The following IL1RAPL1 variants were observed in gnomAD, a reference collection of about 807,000 sequenced individuals.
IL1RAPL1 encodes the protein interleukin-1 receptor accessory protein-like 1.
In IL1RAPL1, 3 loss-of-function variants were observed where a neutral mutation model predicts 48.4. That is an observed-to-expected ratio of 0.06 (90% CI 0.03 to 0.16). The LOEUF (loss-of-function observed/expected upper bound fraction) is 0.16, where lower values mean the gene tolerates loss of function less well. Ranked by LOEUF, IL1RAPL1 falls within the 10% of genes least tolerant of loss-of-function variation. IL1RAPL1 has a pLI of 1.00. For synonymous variants in IL1RAPL1, 185 were observed against 187.7 expected, an observed-to-expected ratio of 0.99 and a Z score of 0.12; for missense variants, 349 against 530.6, an observed-to-expected ratio of 0.66 and a Z score of 3.36.
intron 2 of IL1RAPL1, among the ~76,000 whole-genome samples, chrX:29,209,579 A>C (rs770756993): frequency 8.9e-6 from 1 of 111,894 alleles, no homozygotes; most frequent in Non-Finnish European, 1.9e-5. Flanking sequence ...GGCACAAGCT[A>C]TGCATCTGTA....
At chrX:29,899,804 A>G (rs1481218838) in intron 6 of IL1RAPL1, among the ~76,000 whole-genome samples, 2 of 110,754 alleles carry the variant, frequency 1.8e-5, no homozygotes, top group Non-Finnish European at 3.8e-5. Flanking sequence ...TCAACCTCCC[A>G]AAGCGCTGGG....
intron 2 of IL1RAPL1, among the ~76,000 whole-genome samples, chrX:29,269,732 GC>G (rs1344434589): frequency 9.2e-6 from 1 of 108,868 alleles, no homozygotes; most frequent in African/African-American, 3.3e-5. Context: ...TGTCAACCAA[GC>G]AGGCAGAGAG....
intron 2 of IL1RAPL1, among the ~76,000 whole-genome samples, chrX:28,937,275 C>T (rs1487078862): frequency 1.8e-5 from 2 of 111,160 alleles, no homozygotes; most frequent in Non-Finnish European, 3.8e-5. Flanking sequence ...TAAAGTCCTA[C>T]AAAGTATTAG....
chrX:29,542,522 C>T (rs1175733411), intron 5 of IL1RAPL1, among the ~76,000 whole-genome samples: 3 of 112,450 alleles, frequency 2.7e-5, no homozygotes, highest in Non-Finnish European at 5.6e-5. Flanking sequence ...ACTACTTCTT[C>T]TATCTAACCA....
chrX:29,103,983 TAGGATGTGGGGAAA>T, intron 2 of IL1RAPL1, among the ~76,000 whole-genome samples: 1 of 111,680 alleles, frequency 9.0e-6, no homozygotes. Flanking sequence ...AAATGCTGGT[TAGGATGTGGGGAAA>T]AGGGAACCCT....
At chrX:28,911,769 A>G in intron 2 of IL1RAPL1, among the ~76,000 whole-genome samples, 1 of 110,023 alleles carries the variant, frequency 9.1e-6, no homozygotes. Flanking sequence ...TTGGATGACT[A>G]AAAAAGGAGA....
chrX:29,823,506 A>G (rs898419005), intron 6 of IL1RAPL1, among the ~76,000 whole-genome samples: 4 of 112,234 alleles, frequency 3.6e-5, no homozygotes, highest in African/African-American at 1.3e-4. Context: ...AGAAGACTAG[A>G]CTATTCACTT....
At chrX:29,806,203 ACGGGCACACGTGCGTGCACG>A (rs1466839320) in intron 6 of IL1RAPL1, among the ~76,000 whole-genome samples, 3 of 110,589 alleles carry the variant, frequency 2.7e-5, no homozygotes, top group Admixed American at 9.5e-5. Context: ...ATGTGAGCAC[ACGGGCACACGTGCGTGCACG>A]CGTGCACACA....
chrX:29,335,039 C>G (rs1483399475), intron 3 of IL1RAPL1, among the ~76,000 whole-genome samples: 7 of 111,910 alleles, frequency 6.3e-5, no homozygotes, highest in Non-Finnish European at 9.5e-5. Flanking sequence ...CTCGGGAGGC[C>G]GAGGCTGGCG....
intron 6 of IL1RAPL1, among the ~76,000 whole-genome samples, chrX:29,748,764 C>T (rs1267121309): frequency 1.9e-5 from 2 of 108,096 alleles, no homozygotes; most frequent in African/African-American, 3.4e-5. Flanking sequence ...ATGACTTCAT[C>T]ATTTAAAGAA....
intron 5 of IL1RAPL1, among the ~76,000 whole-genome samples, chrX:29,419,247 T>C (rs985714472): frequency 9.0e-6 from 1 of 111,684 alleles, no homozygotes; most frequent in Non-Finnish European, 1.9e-5. Flanking sequence ...AATAATTAAT[T>C]ACATATACGT....
chrX:29,322,071 T>TA (rs1477619183), intron 3 of IL1RAPL1, among the ~76,000 whole-genome samples: 2 of 111,245 alleles, frequency 1.8e-5, no homozygotes, highest in Non-Finnish European at 3.8e-5. Context: ...TTTTCACTAT[T>TA]AAAAAAATAA....
chrX:29,912,862 T>G (rs990750567), intron 6 of IL1RAPL1, among the ~76,000 whole-genome samples: 3 of 111,889 alleles, frequency 2.7e-5, no homozygotes, highest in Non-Finnish European at 5.6e-5. Context: ...TATTTATCCT[T>G]TTTAATCCTT....
intron 2 of IL1RAPL1, among the ~76,000 whole-genome samples, chrX:28,855,058 C>T (rs1483237625): frequency 8.9e-6 from 1 of 111,820 alleles, no homozygotes; most frequent in Non-Finnish European, 1.9e-5. Context: ...CTCACTCTGT[C>T]ACCCAGGTTG....
At chrX:29,239,975 T>C (rs1344558814) in intron 2 of IL1RAPL1, among the ~76,000 whole-genome samples, 4 of 107,784 alleles carry the variant, frequency 3.7e-5, no homozygotes, top group Non-Finnish European at 7.6e-5. Context: ...TTCTTCCACT[T>C]AAGGATGGTT....
chrX:29,562,034 T>TTCTATCTATCTATCTA (rs61324448), intron 5 of IL1RAPL1, among the ~76,000 whole-genome samples: 1 of 93,059 alleles, frequency 1.1e-5, no homozygotes, highest in Non-Finnish European at 2.1e-5. Flanking sequence ...TCTTTTTCAA[T>TTCTATCTATCTATCTA]TCTATCTATC....
chrX:29,317,075 T>C (rs908714248), intron 3 of IL1RAPL1, among the ~76,000 whole-genome samples: 41 of 111,496 alleles, frequency 3.7e-4, no homozygotes, highest in African/African-American at 1.3e-3. Context: ...CTAAGGATTT[T>C]ATTTTTAGTT....
intron 2 of IL1RAPL1, among the ~76,000 whole-genome samples, chrX:28,808,531 CA>C (rs1936756966): frequency 9.0e-6 from 1 of 110,591 alleles, no homozygotes; most frequent in South Asian, 3.7e-4. Flanking sequence ...TTTACTATTT[CA>C]TATAGATAAT....
intron 6 of IL1RAPL1, among the ~76,000 whole-genome samples, chrX:29,686,066 A>AT (rs1433605244): frequency 8.9e-6 from 1 of 111,961 alleles, no homozygotes; most frequent in Non-Finnish European, 1.9e-5. Context: ...TGACTTAAAA[A>AT]ATATAAGTAT....
Sources: gnomAD v4.1 joint callset for allele counts (sites outside exome capture counted in the v4.1 genomes callset) on GRCh38, gnomAD v4.1.1 for gene constraint, MANE v1.5 for transcripts, NCBI Gene and HGNC (gene_info 2026-07-23, HGNC 2026-07-21) for gene names.